CDH18: variants seen among roughly 807,000 people sequenced by gnomAD.
CDH18 encodes cadherin-18.
CDH18 carries 31 observed loss-of-function variants against 67.9 expected under a neutral mutation model. That is an observed-to-expected ratio of 0.46 (90% CI 0.34 to 0.62). The LOEUF is 0.62. Ranked by LOEUF, CDH18 falls within the 20% of genes least tolerant of loss-of-function variation. The pLI, the probability that CDH18 is intolerant of heterozygous loss-of-function variation, is 0.01. For synonymous variants in CDH18, 362 were observed against 347.2 expected (o/e 1.04, Z -0.48); for missense variants, 890 against 975.5 (o/e 0.91, Z 1.17).
chr5:19,787,992 C>T (rs1775990908), intron 3 of CDH18, among the ~76,000 whole-genome samples: 1 of 151,876 alleles, frequency 6.6e-6, no homozygotes, highest in South Asian at 2.1e-4. Flanking sequence ...GGAAAGTATT[C>T]TCCCCCTTTT....
At chr5:20,337,591 C>A (rs1428115140) in intron 1 of CDH18, among the ~76,000 whole-genome samples, 2 of 152,184 alleles carry the variant, frequency 1.3e-5, no homozygotes, top group Admixed American at 6.5e-5. Context: ...CATCTGAGAC[C>A]ACCTCAGACT....
chr5:19,996,111 T>A lies in CDH18; in HGVS notation c.-517-4097A>T, dbSNP rs529180517. ...AACTTAAGGTTGACCAAATCATTGA[T>A]CTTTTCAGAACGATATTCAATTTAC... On this transcript the variant is annotated intron_variant, in intron 2 of 14. Transcript: ENST00000507958. Among the ~76,000 whole-genome samples, 4 of 152,236 alleles carry A rather than the reference T, an allele frequency of 2.6e-5. No homozygotes were observed. The East Asian group carries it at 7.7e-4, about 29-fold the overall frequency.
At chr5:19,721,313 C>A (rs769620394) in intron 5 of CDH18, 34 bp downstream of exon 5, 4 of 1,529,604 alleles carry the variant, frequency 2.6e-6, no homozygotes, top group Non-Finnish European at 3.6e-6. Context: ...CTGTAGCAAA[C>A]GCTTGCATGC....
At chr5:19,877,487 G>C (rs77244114) in intron 2 of CDH18, among the ~76,000 whole-genome samples, 178 of 152,188 alleles carry the variant, frequency 1.2e-3, no homozygotes, top group African/African-American at 4.0e-3. Context: ...AGATGAAAAG[G>C]GGCTAGTTAC....
chr5:19,541,810 T>A (rs1750334374), intron 9 of CDH18, among the ~76,000 whole-genome samples: 1 of 149,754 alleles, frequency 6.7e-6, no homozygotes, highest in Non-Finnish European at 1.5e-5. Context: ...CAAGATGAGA[T>A]ATGGGTGAGG....
intron 2 of CDH18, among the ~76,000 whole-genome samples, chr5:19,961,103 T>G (rs934398547): frequency 2.0e-4 from 23 of 117,164 alleles, no homozygotes; most frequent in Non-Finnish European, 3.1e-4. Flanking sequence ...CATTATAATT[T>G]TTTTTTTTTT....
intron 2 of CDH18, among the ~76,000 whole-genome samples, chr5:19,909,335 C>G (rs1213253311): frequency 1.4e-5 from 2 of 147,778 alleles, no homozygotes; most frequent in African/African-American, 5.0e-5. Flanking sequence ...GGGTCTTGCT[C>G]CTTGCCCTGC....
chr5:19,501,890 T>C (rs1172801518), intron 11 of CDH18, among the ~76,000 whole-genome samples: 1 of 152,208 alleles, frequency 6.6e-6, no homozygotes, highest in East Asian at 1.9e-4. Context: ...CCTGTTCTAA[T>C]GTAAGTAAAT....
chr5:20,254,225 G>A (rs748587066), intron 2 of CDH18, among the ~76,000 whole-genome samples: 31 of 152,130 alleles, frequency 2.0e-4, no homozygotes, highest in Non-Finnish European at 4.4e-4. Context: ...TGATTCTTCT[G>A]CCTCAGCCTC....
At chr5:20,265,334 C>T (rs1327817201) in intron 1 of CDH18, among the ~76,000 whole-genome samples, 2 of 151,978 alleles carry the variant, frequency 1.3e-5, no homozygotes, top group Non-Finnish European at 2.9e-5. Context: ...TTAATAAACT[C>T]CTTTTTCCTC....
chr5:19,706,922 A>C (rs573115646), intron 5 of CDH18, among the ~76,000 whole-genome samples: 1 of 152,318 alleles, frequency 6.6e-6, no homozygotes, highest in East Asian at 1.9e-4. Flanking sequence ...GCCTGCCTAA[A>C]GGCCAGATGC....
intron 2 of CDH18, among the ~76,000 whole-genome samples, chr5:20,019,550 G>T (rs923645371): frequency 6.6e-6 from 1 of 152,090 alleles, no homozygotes; most frequent in African/African-American, 2.4e-5. Flanking sequence ...AAAGTGTGTG[G>T]TATCTTTTCC....
intron 2 of CDH18, among the ~76,000 whole-genome samples, chr5:20,203,086 C>T (rs924922163): frequency 6.6e-6 from 1 of 152,052 alleles, no homozygotes; most frequent in African/African-American, 2.4e-5. Context: ...TGATGGTGCT[C>T]TCCCCAATCC....
At chr5:19,866,533 G>A (rs1053770674) in intron 2 of CDH18, among the ~76,000 whole-genome samples, 6 of 152,160 alleles carry the variant, frequency 3.9e-5, no homozygotes, top group East Asian at 3.9e-4. Flanking sequence ...GCAAGAAGGC[G>A]TGGCGAACCT....
upstream of CDH18, among the ~76,000 whole-genome samples, chr5:19,993,178 C>G (rs1164631496): frequency 6.6e-6 from 1 of 152,028 alleles, no homozygotes; most frequent in African/African-American, 2.4e-5. Flanking sequence ...AGTAGAAATT[C>G]CATAGCTGTA....
intron 9 of CDH18, among the ~76,000 whole-genome samples, chr5:19,525,512 G>C (rs1747625027): frequency 6.6e-6 from 1 of 152,120 alleles, no homozygotes; most frequent in Non-Finnish European, 1.5e-5. Flanking sequence ...CCCTGTCAGG[G>C]GCAACCACAG....
chr5:19,938,638 T>A (rs533926969), intron 2 of CDH18, among the ~76,000 whole-genome samples: 7 of 151,610 alleles, frequency 4.6e-5, no homozygotes, highest in Non-Finnish European at 8.9e-5. Flanking sequence ...ACTTCATGCT[T>A]TGTTCCTGAA....
At chr5:20,569,336 T>C (rs1299616534) in intron 1 of CDH18, among the ~76,000 whole-genome samples, 1 of 152,158 alleles carries the variant, frequency 6.6e-6, no homozygotes, top group Non-Finnish European at 1.5e-5. Context: ...CAAATAAACA[T>C]GCTCGGCCAG....
At chr5:19,677,056 C>T (rs568157709) in intron 5 of CDH18, among the ~76,000 whole-genome samples, 70 of 151,958 alleles carry the variant, frequency 4.6e-4, no homozygotes, top group African/African-American at 1.4e-3. Flanking sequence ...GATTTGCTGC[C>T]GGTAATTTGA....
Sources: allele counts gnomAD v4.1 joint callset (sites outside exome capture counted in the v4.1 genomes callset), GRCh38; gene constraint gnomAD v4.1.1; transcripts MANE v1.5; gene names NCBI Gene and HGNC (gene_info 2026-07-23, HGNC 2026-07-21).